SH3GLB2: variants seen among roughly 807,000 people sequenced by gnomAD.
SH3GLB2 encodes the protein SH3 domain containing GRB2 like, endophilin B2.
Under a neutral mutation model 48.0 loss-of-function variants are expected in SH3GLB2, and 24 were observed. The observed-to-expected ratio is 0.50, with a 90% CI of 0.36 to 0.70. SH3GLB2 has a LOEUF of 0.70. Among genes scored for constraint, SH3GLB2 ranks in the 30% least tolerant of loss-of-function variants. The pLI, the probability that SH3GLB2 is intolerant of heterozygous loss-of-function variation, is 0.00. For missense variants in SH3GLB2, 425 were observed against 516.0 expected (o/e 0.82, Z 1.71); for synonymous variants, 227 against 207.6 (o/e 1.09, Z -0.80).
chr9:129,017,866 C>A (rs1052913825), intron 3 of SH3GLB2, among the ~76,000 whole-genome samples: 4 of 150,610 alleles, frequency 2.7e-5, no homozygotes, highest in African/African-American at 9.8e-5. Context: ...CCACTGCACT[C>A]CAGCCTGGGC....
chr9:129,017,830 G>A (rs1261339163), intron 3 of SH3GLB2, among the ~76,000 whole-genome samples: 2 of 151,760 alleles, frequency 1.3e-5, no homozygotes, highest in African/African-American at 2.4e-5. Flanking sequence ...CACGAGAGGC[G>A]GAGGTTGCAG....
chr9:129,017,547 T>C (rs1588323532), intron 3 of SH3GLB2, among the ~76,000 whole-genome samples: 1 of 151,678 alleles, frequency 6.6e-6, no homozygotes, highest in African/African-American at 2.4e-5. Context: ...GCGGATCACT[T>C]GAGATCAGGA....
intron 3 of SH3GLB2, 126 bp from the exon 4 acceptor site, chr9:129,015,030 C>A (rs1025913068): frequency 3.0e-6 from 4 of 1,315,538 alleles, no homozygotes; most frequent in Non-Finnish European, 4.1e-6. Context: ...AATGCTTTGC[C>A]TGGGAAAAAG....
At chr9:129,012,185 A>C in intron 6 of SH3GLB2, 51 bp downstream of exon 6, 1 of 817,100 alleles carries the variant, frequency 1.2e-6, no homozygotes, top group Non-Finnish European at 1.4e-6. Context: ...GTGGTGTGGG[A>C]CGTGGGGAGA....
rs914940356 is a variant in SH3GLB2, at chr9:129,026,979, G to C, written c.63+1113C>G. Among the ~76,000 whole-genome samples, 3 of 152,180 alleles carry C rather than the reference G, an allele frequency of 2.0e-5. No homozygotes were observed. The East Asian group carries it at 5.8e-4, about 29-fold the overall frequency. On this transcript the variant is annotated intron_variant, in intron 1 of 10. Coordinates refer to ENST00000372564, the MANE Select transcript of SH3GLB2 (RefSeq NM_020145.4). ...GCTGGGTGTGGGCTCCTGGGGAGGG[G>C]AGTGCCCGGGTTGGGGGTGGGGAGA...
chr9:129,010,631 C>G (rs1843059702), intron 7 of SH3GLB2, 39 bp downstream of exon 7: 1 of 1,612,174 alleles, frequency 6.2e-7, no homozygotes, highest in Admixed American at 1.7e-5. Context: ...CCCCGCCACC[C>G]CTTCTTCCTC....
At chr9:129,012,691 T>A in intron 5 of SH3GLB2, 1 of 476,426 alleles carries the variant, frequency 2.1e-6, no homozygotes, top group Non-Finnish European at 3.7e-6. Context: ...CTGGGATGGC[T>A]TTTTCCATCC....
Position 129,010,190 on chromosome 9 carries a change from A to G in SH3GLB2, c.668T>C (p.Val223Ala), listed in dbSNP as rs1843032789. 6.2e-7 allele frequency: 1 copy of G among 1,613,976 alleles called. No individual in the cohort carries two copies. The change falls in exon 8 of 11, where the codon GTG becomes GCG. Residue 223 changes from valine to alanine, a missense_variant. Transcript: ENST00000372564. ...TTGCCGGTCAAACTCTGTCTGGGCC[A>G]CGCGGAGCTCCTGCTCGGCCTGGGC... Reference protein sequence around the residue: ...EVDKAEQELRVAQTEFDRQAE... With the variant: ...EVDKAEQELRAAQTEFDRQAE...
intron 8 of SH3GLB2, 83 bp downstream of exon 8, chr9:129,010,037 G>A (rs924072566): frequency 1.3e-5 from 19 of 1,469,172 alleles, no homozygotes; most frequent in Middle Eastern, 3.5e-4. Context: ...GCCATTCTGG[G>A]GCAGCCCTGC....
intron 1 of SH3GLB2, among the ~76,000 whole-genome samples, chr9:129,025,623 A>AAGGAAGGAAGGAAGGAAGGCAGGC (rs1554835515): frequency 6.8e-6 from 1 of 146,148 alleles, no homozygotes; most frequent in East Asian, 2.0e-4. Flanking sequence ...GGAAGGAAGG[A>AAGGAAGGAAGGAAGGAAGGCAGGC]AGGCAGGCAG....
At chr9:129,025,195 G>C (rs1225940155) in intron 1 of SH3GLB2, among the ~76,000 whole-genome samples, 1 of 149,696 alleles carries the variant, frequency 6.7e-6, no homozygotes, top group Non-Finnish European at 1.5e-5. Context: ...AGAATTGCTT[G>C]AACCGGGGAG....
rs779153674 is a variant in SH3GLB2, at chr9:129,009,192, G to A, written c.994C>T (p.Pro332Ser). Residue 332 changes from proline (P) to serine (S), a missense_variant, in exon 10 of 11, where the codon CCC (proline) becomes TCC (serine). Pro to Ser is a moderately conservative substitution (Grantham distance 74). Transcript: ENST00000372564. ...GCTTTGCGGGTCCCACTGGCAGGGGGGGCCACCTCTTCCAGGCAGAGCGAG... is the reference window on the plus strand; with the variant it reads ...GCTTTGCGGGTCCCACTGGCAGGGGAGGCCACCTCTTCCAGGCAGAGCGAG... ...EASLCLEEVA[P>S]PASGTRKARV... The A allele has an allele frequency of 3.1e-6, 5 of 1,611,030 alleles. No individual in the cohort carries two copies. The highest frequency in any genetic ancestry group is 3.4e-6 in the Non-Finnish European group (4 of 1,179,286).
rs142035647 is a variant in SH3GLB2, at chr9:129,018,533, C to T, written c.334+2558G>A. Among the ~76,000 whole-genome samples the T allele has an allele frequency of 2.4e-3, 353 of 149,714 alleles. 7 individuals are homozygous for T. In the East Asian group the frequency reaches 0.039, roughly 17 times the overall value. ...CGGAGGTTGCAGTGAGCCAAGATTGCGCCACTGCACTCCAGCCTAGGTGAC... is the reference window on the plus strand; with the variant it reads ...CGGAGGTTGCAGTGAGCCAAGATTGTGCCACTGCACTCCAGCCTAGGTGAC... On this transcript the variant is annotated intron_variant, in intron 3 of 10. Transcript: ENST00000372564.
rs992306096 is a variant in SH3GLB2, at chr9:129,011,604, C to T, written c.624+632G>A. 1 of 152,482 alleles carries T rather than the reference C, an allele frequency of 6.6e-6. No individual in the cohort carries two copies. The highest frequency in any genetic ancestry group is 2.4e-5 in the African/African-American group (1 of 41,402). 9.4% of individuals were successfully genotyped at this position (152,482 alleles called of 1,614,324 possible). ...CCTAGTCCCCAAACTACATAGGAAA[C>T]ACCAGACTTCCCAAGAAAGCCTAAA... On this transcript the variant is annotated intron_variant, in intron 6 of 10. Transcript: ENST00000372564. This position sits in a 1 kb window ranked among gnomAD's most constrained non-coding sequence, Gnocchi z 4.5.
At chr9:129,020,566 G>C (rs1843722886) in intron 3 of SH3GLB2, among the ~76,000 whole-genome samples, 1 of 134,354 alleles carries the variant, frequency 7.4e-6, no homozygotes, top group South Asian at 2.4e-4. Flanking sequence ...GTGAAACTGT[G>C]TCTCAAAAAA....
intron 3 of SH3GLB2, among the ~76,000 whole-genome samples, chr9:129,016,781 G>A (rs1307949114): frequency 2.6e-5 from 4 of 151,956 alleles, no homozygotes; most frequent in African/African-American, 9.7e-5. Flanking sequence ...ACACAAAATA[G>A]TACTAGAGAC....
chr9:129,012,867 G>T, intron 5 of SH3GLB2: 1 of 1,061,726 alleles, frequency 9.4e-7, no homozygotes, highest in Non-Finnish European at 1.4e-6. Context: ...TAAACCAGAG[G>T]CCCTGCACAG....
chr9:129,017,744 A>T (rs926348442), intron 3 of SH3GLB2, among the ~76,000 whole-genome samples: 1 of 151,990 alleles, frequency 6.6e-6, no homozygotes, highest in Non-Finnish European at 1.5e-5. Context: ...TGAAAAAAAA[A>T]AAAATTAGCC....
intron 3 of SH3GLB2, among the ~76,000 whole-genome samples, chr9:129,019,863 A>G (rs117277684): frequency 0.01 from 1,556 of 151,834 alleles, 27 homozygotes; most frequent in Non-Finnish European, 0.013. Context: ...ATATGGTTCT[A>G]TAAATGCTTC....
Sources: gnomAD v4.1 joint callset for allele counts (sites outside exome capture counted in the v4.1 genomes callset) on GRCh38, gnomAD v4.1.1 for gene constraint, Gnocchi (gnomAD v3.1) non-coding constraint, MANE v1.5 for transcripts, NCBI Gene and HGNC (gene_info 2026-07-23, HGNC 2026-07-21) for gene names.